CAMSAP2: variants seen among roughly 807,000 people sequenced by gnomAD.
The protein encoded by CAMSAP2 is calmodulin-regulated spectrin-associated protein 2.
In CAMSAP2, 26 loss-of-function variants were observed where a neutral mutation model predicts 146.1. The ratio of observed to expected loss-of-function variants is 0.18; its 90% CI spans 0.13 to 0.25. CAMSAP2 has a LOEUF of 0.25. Among genes scored for constraint, CAMSAP2 ranks in the 10% least tolerant of loss-of-function variants. The pLI, the probability that CAMSAP2 is intolerant of heterozygous loss-of-function variation, is 1.00. For synonymous variants in CAMSAP2, 499 were observed against 596.6 expected, an observed-to-expected ratio of 0.84 and a Z score of 2.38; for missense variants, 1,381 against 1,759.3, an observed-to-expected ratio of 0.78 and a Z score of 3.85.
At position 200,808,259 on chromosome 1, in the gene CAMSAP2, T is replaced by C. The variant is rs535475668; in HGVS notation, c.561+722T>C. On this transcript the variant is annotated intron_variant, in intron 3 of 16. Transcript: ENST00000358823. ...TCCTATTGATTGTGGATTCCTCTTC[T>C]TGGAAATTTTTATGGAGCTGTGATT... Among the ~76,000 whole-genome samples the C allele has an allele frequency of 4.6e-5, 7 of 152,346 alleles. No homozygotes were observed. In the East Asian group the frequency reaches 1.2e-3, roughly 25 times the overall value.
chr1:200,815,416 T>C, intron 3 of CAMSAP2, 145 bp from the exon 4 acceptor site: 1 of 424,386 alleles, frequency 2.4e-6, no homozygotes, highest in Non-Finnish European at 4.3e-6. Context: ...ATTGTGAAGC[T>C]GAAATTTTCT....
intron 2 of CAMSAP2, among the ~76,000 whole-genome samples, chr1:200,782,782 CT>C (rs57995961): frequency 0.013 from 933 of 72,252 alleles, 3 homozygotes; most frequent in African/African-American, 0.039. Flanking sequence ...TCATTTCTCT[CT>C]TTTTTTTTTT....
chr1:200,835,213 TAATTTA>T (rs1667154931), intron 6 of CAMSAP2, among the ~76,000 whole-genome samples: 1 of 152,186 alleles, frequency 6.6e-6, no homozygotes, highest in African/African-American at 2.4e-5. Context: ...AACAAAGCCC[TAATTTA>T]AGACACTGAA....
intron 1 of CAMSAP2, among the ~76,000 whole-genome samples, chr1:200,746,835 G>A (rs529481302): frequency 1.3e-5 from 2 of 152,054 alleles, no homozygotes; most frequent in Admixed American, 6.5e-5. Context: ...AGCCAGGATG[G>A]TCTTGATCTC....
At position 200,805,379 on chromosome 1, in the gene CAMSAP2, A is replaced by G. The variant is rs555058352; in HGVS notation, c.400-1997A>G. Among the ~76,000 whole-genome samples, 3 of 152,294 alleles carry G rather than the reference A, an allele frequency of 2.0e-5. No individual in the cohort carries two copies. The South Asian group carries it at 6.2e-4, about 32-fold the overall frequency. ...TCCTTTCCTTTCTTTAGCCCCTGCT[A>G]GTTGCCAGATACCACGTTAGATGTA... On this transcript the variant is annotated intron_variant, in intron 2 of 16. Transcript: ENST00000358823.
intron 2 of CAMSAP2, among the ~76,000 whole-genome samples, chr1:200,791,576 T>C (rs1386790301): frequency 1.3e-5 from 2 of 152,142 alleles, no homozygotes; most frequent in East Asian, 1.9e-4. Flanking sequence ...TATGCTTTAG[T>C]TGGATAGCTT....
In CAMSAP2 at chr1:200,739,154, G is replaced by A. The variant is rs1018141901; in HGVS notation, c.-674G>A. On this transcript the variant is annotated 5_prime_UTR_variant, in exon 1 of 17. Coordinates refer to ENST00000358823, the MANE Select transcript of CAMSAP2 (RefSeq NM_203459.4). This position sits in a 1 kb window ranked among gnomAD's most constrained non-coding sequence, Gnocchi z 4.8. ...GGAAGGAGGAGACGGCGACGGGAGGGAGCACAGAGGAGGGGACGGGCCGGC... is the reference window on the plus strand; with the variant it reads ...GGAAGGAGGAGACGGCGACGGGAGGAAGCACAGAGGAGGGGACGGGCCGGC... 6.6e-6 allele frequency among the ~76,000 whole-genome samples: 1 copy of A among 151,918 alleles called. No individual in the cohort carries two copies. Among genetic ancestry groups the A allele is most frequent in the East Asian group, 1.9e-4 (1 of 5,152 alleles).
intron 2 of CAMSAP2, among the ~76,000 whole-genome samples, chr1:200,767,853 A>T (rs141374057): frequency 4.1e-4 from 62 of 152,356 alleles, no homozygotes; most frequent in African/African-American, 1.4e-3. Flanking sequence ...GGTAACATCT[A>T]TACCTCTGTT....
intron 1 of CAMSAP2, among the ~76,000 whole-genome samples, chr1:200,746,002 A>G (rs182412664): frequency 3.3e-5 from 5 of 152,368 alleles, no homozygotes; most frequent in East Asian, 1.9e-4. Flanking sequence ...TCAAAGGTAT[A>G]AAAGAGTAGA....
At chr1:200,817,189 C>CACATACACACACAT (rs1437563207) in intron 4 of CAMSAP2, among the ~76,000 whole-genome samples, 3 of 112,044 alleles carry the variant, frequency 2.7e-5, no homozygotes, top group Non-Finnish European at 3.9e-5. Context: ...CACACACACA[C>CACATACACACACAT]ATGTGTGTGT....
intron 2 of CAMSAP2, among the ~76,000 whole-genome samples, chr1:200,766,333 TA>T (rs1342276181): frequency 3.3e-5 from 5 of 151,918 alleles, no homozygotes; most frequent in African/African-American, 1.2e-4. Context: ...ATTTTTTTTG[TA>T]GAGACAGGGT....
At chr1:200,805,162 C>A (rs1199328581) in intron 2 of CAMSAP2, among the ~76,000 whole-genome samples, 1 of 152,160 alleles carries the variant, frequency 6.6e-6, no homozygotes, top group African/African-American at 2.4e-5. Context: ...TAAGTAGGAG[C>A]CACTGTTGGT....
chr1:200,781,427 G>A (rs552383497), intron 2 of CAMSAP2, among the ~76,000 whole-genome samples: 1 of 152,278 alleles, frequency 6.6e-6, no homozygotes, highest in African/African-American at 2.4e-5. Context: ...GGTCACTATG[G>A]TTAGGACATT....
intron 4 of CAMSAP2, among the ~76,000 whole-genome samples, chr1:200,816,775 C>CATAT (rs1666523363): frequency 8.8e-6 from 1 of 113,140 alleles, no homozygotes; most frequent in African/African-American, 3.3e-5. Context: ...CACACACACG[C>CATAT]GTGTATATAT....
chr1:200,816,774 G>GCGTGTATATATGTGTGTACACACACACA lies in CAMSAP2; in HGVS notation c.645+1157_645+1158insACGTGTATATATGTGTGTACACACACAC, dbSNP rs1666523188. On this transcript the variant is annotated intron_variant, in intron 4 of 16. Coordinates refer to ENST00000358823, the MANE Select transcript of CAMSAP2 (RefSeq NM_203459.4). ...TGTATATATGTGTGTACACACACAC[G>GCGTGTATATATGTGTGTACACACACACA]CGTGTATATATGTGTGTACACACAC... Among the ~76,000 whole-genome samples the GCGTGTATATATGTGTGTACACACACACA allele has an allele frequency of 3.2e-5, 3 of 94,950 alleles. 1 individual carries two copies. Among genetic ancestry groups the GCGTGTATATATGTGTGTACACACACACA allele is most frequent in the African/African-American group, 1.3e-4 (3 of 23,106 alleles). The allele number at this position is 94,950 out of a possible 152,430, so 62.3% of individuals were successfully genotyped here.
chr1:200,763,215 T>C (rs1204839511), intron 2 of CAMSAP2, among the ~76,000 whole-genome samples: 23 of 152,086 alleles, frequency 1.5e-4, no homozygotes, highest in Admixed American at 1.5e-3. Context: ...TTATCTCTGG[T>C]TCTAACTTCT....
chr1:200,824,728 C>T (rs1431633083), intron 4 of CAMSAP2, among the ~76,000 whole-genome samples: 1 of 152,166 alleles, frequency 6.6e-6, no homozygotes, highest in African/African-American at 2.4e-5. Flanking sequence ...CCTATAATCC[C>T]CGCACTTTGG....
chr1:200,841,948 A>G lies in CAMSAP2; in HGVS notation c.928-46A>G, dbSNP rs147164403. On this transcript the variant is annotated intron_variant, in intron 6 of 16. Coordinates refer to ENST00000358823, the MANE Select transcript of CAMSAP2 (RefSeq NM_203459.4). ...TTAAAACAATAAAATTCTGTTTATC[A>G]TGAAGTTTTACCTAATGTAGGCTTT... 9.6e-3 allele frequency: 12,456 copies of G among 1,297,102 alleles called. 94 individuals are homozygous for G. Among genetic ancestry groups the G allele is most frequent in the Middle Eastern group, 0.022 (118 of 5,392 alleles). 80.3% of individuals were successfully genotyped at this position (1,297,102 alleles called of 1,614,324 possible).
rs115922562 is a variant in CAMSAP2, at chr1:200,745,599, G to C, written c.139+5633G>C. Among the ~76,000 whole-genome samples, 1,313 of 152,270 alleles carry C rather than the reference G, an allele frequency of 8.6e-3. 17 individuals are homozygous for C. Among genetic ancestry groups the C allele is most frequent in the African/African-American group, 0.03 (1,233 of 41,540 alleles). ...AAACAAAATTAGAGTCTAAGCCTTT[G>C]TGATACTGAAATTTGTATCTTAACC... On this transcript the variant is annotated intron_variant, in intron 1 of 16. Coordinates refer to ENST00000358823, the MANE Select transcript of CAMSAP2 (RefSeq NM_203459.4).
Sources: allele counts gnomAD v4.1 joint callset (sites outside exome capture counted in the v4.1 genomes callset), GRCh38; gene constraint gnomAD v4.1.1; non-coding constraint Gnocchi (gnomAD v3.1); transcripts MANE v1.5; gene names NCBI Gene and HGNC (gene_info 2026-07-23, HGNC 2026-07-21).